Variants in HUWE1 observed in about 807,000 individuals in gnomAD.
HUWE1 encodes HECT, UBA and WWE domain containing E3 ubiquitin protein ligase 1.
HUWE1 carries 18 observed loss-of-function variants against 299.4 expected under a neutral mutation model. The ratio of observed to expected loss-of-function variants is 0.06; its 90% CI spans 0.04 to 0.09. HUWE1 has a LOEUF of 0.09. Ranked by LOEUF, HUWE1 falls within the 10% of genes least tolerant of loss-of-function variation. The pLI is 1.00. For missense variants in HUWE1, 1,832 were observed against 3,462.3 expected (o/e 0.53, Z 11.82); for synonymous variants, 1,317 against 1,286.1 (o/e 1.02, Z -0.51).
intron 4 of HUWE1, among the ~76,000 whole-genome samples, chrX:53,652,499 G>A (rs1424111926): frequency 9.0e-6 from 1 of 111,223 alleles, no homozygotes; most frequent in Non-Finnish European, 1.9e-5. Flanking sequence ...TTCTATTCTC[G>A]TAGCAGTAGA....
rs956701287 is a variant in HUWE1 at position 53,656,243 on chromosome X, G to A, written c.-24-2112C>T. On this transcript the variant is annotated intron_variant, in intron 3 of 83. Coordinates refer to ENST00000262854, the MANE Select transcript of HUWE1 (RefSeq NM_031407.7). ...ACAAAAAAAGTAGCCGGGCGTGGAAGGACAAGCCTGTAATCCCAGCTACTT... is the reference window on the plus strand; with the variant it reads ...ACAAAAAAAGTAGCCGGGCGTGGAAAGACAAGCCTGTAATCCCAGCTACTT... 3.6e-5 allele frequency among the ~76,000 whole-genome samples: 4 copies of A among 110,397 alleles called. 1 individual carries two copies. In the South Asian group the frequency reaches 1.6e-3, roughly 43 times the overall value.
intron 28 of HUWE1, among the ~76,000 whole-genome samples, chrX:53,600,958 T>G (rs2064797708): frequency 8.9e-6 from 1 of 112,036 alleles, no homozygotes; most frequent in South Asian, 3.7e-4. Context: ...TTCTCAGTTC[T>G]TAGTCAATTT....
At chrX:53,643,603 C>T (rs1033657436) in intron 7 of HUWE1, among the ~76,000 whole-genome samples, 1 of 111,520 alleles carries the variant, frequency 9.0e-6, no homozygotes. Flanking sequence ...CTGCCTGCCT[C>T]GGCCCCCCAA....
chrX:53,639,556 C>T (rs1356317928), intron 7 of HUWE1, among the ~76,000 whole-genome samples: 1 of 111,347 alleles, frequency 9.0e-6, no homozygotes, highest in Non-Finnish European at 1.9e-5. Flanking sequence ...GTAAGGTATC[C>T]TGCATTTGTA....
At chrX:53,556,125 C>G (rs1273505482) in intron 60 of HUWE1, 1 of 331,443 alleles carries the variant, frequency 3.0e-6, no homozygotes, top group Non-Finnish European at 6.1e-6. Context: ...ACCCTAAACA[C>G]CATCTGTCCC....
intron 19 of HUWE1, among the ~76,000 whole-genome samples, chrX:53,623,082 A>G (rs1206476350): frequency 9.0e-6 from 1 of 111,364 alleles, no homozygotes; most frequent in Non-Finnish European, 1.9e-5. Flanking sequence ...TTAGTGCTCT[A>G]AGTCTCATTT....
At chrX:53,533,933 G>A in intron 83 of HUWE1, 74 bp downstream of exon 83, 1 of 993,218 alleles carries the variant, frequency 1.0e-6, no homozygotes, top group Non-Finnish European at 1.4e-6. Flanking sequence ...CCAATCTTGG[G>A]TAGGGTCCTG....
At chrX:53,608,785 A>C in intron 24 of HUWE1, 67 bp downstream of exon 24, 1 of 678,969 alleles carries the variant, frequency 1.5e-6, no homozygotes, top group East Asian at 3.2e-5. Flanking sequence ...GGACTCTGAT[A>C]ACGAAACACA....
chrX:53,663,895 C>G lies in HUWE1; in HGVS notation c.-24-9764G>C, dbSNP rs782108997. 3.2e-3 allele frequency among the ~76,000 whole-genome samples: 347 copies of G among 108,171 alleles called. 1 individual carries two copies. Among genetic ancestry groups the G allele is most frequent in the African/African-American group, 0.011 (326 of 29,693 alleles). The allele number at this position is 108,171 out of a possible 115,157, so 93.9% of individuals were successfully genotyped here. On this transcript the variant is annotated intron_variant, in intron 3 of 83. Coordinates refer to ENST00000262854, the MANE Select transcript of HUWE1 (RefSeq NM_031407.7). ...TGGGAAAGTTAAAAAAAAAAAAAAA[C>G]CTGGGAAGGGAAGAAATACACATTA...
At chrX:53,618,569 T>C (rs1002688059) in intron 19 of HUWE1, among the ~76,000 whole-genome samples, 10 of 107,264 alleles carry the variant, frequency 9.3e-5, no homozygotes, top group South Asian at 4.1e-4. Context: ...AATTTTCTTT[T>C]TTTTTTTTTT....
At chrX:53,632,023 T>C (rs1192930984) in intron 9 of HUWE1, 10 of 340,494 alleles carry the variant, frequency 2.9e-5, no homozygotes, top group Non-Finnish European at 5.5e-5. Flanking sequence ...TTGAATAGTA[T>C]AGGTAGAAGA....
In HUWE1 at chrX:53,600,282, C is replaced by T. The variant is rs2064750292; in HGVS notation, c.2999G>A (p.Ser1000Asn). 2 of 1,208,034 alleles carry T rather than the reference C, an allele frequency of 1.7e-6. No individual in the cohort carries two copies. The highest frequency in any genetic ancestry group is 2.2e-6 in the Non-Finnish European group (2 of 892,749). ...SDGEQDGAAGSMDASTQGLLE... is the reference protein window; with the variant it reads ...SDGEQDGAAGNMDASTQGLLE... ...TAAGCCCTGGGTAGAAGCATCCATA[C>T]TTCCAGCTGCTCCATCCTGTTCCCC... The change falls in exon 29 of 84, where the codon AGT (serine) becomes AAT (asparagine). Residue 1000 changes from serine to asparagine, a missense_variant. Ser to Asn is a conservative substitution (Grantham distance 46). Around this residue, in one of 15 missense-constraint regions of HUWE1, gnomAD observed 658 missense variants for 1,282.6 expected, o/e 0.51. Coordinates refer to ENST00000262854, the MANE Select transcript of HUWE1 (RefSeq NM_031407.7).
chrX:53,539,809 G>A lies in HUWE1; in HGVS notation c.11480C>T (p.Ser3827Phe). Residue 3827 changes from serine (S) to phenylalanine (F), a missense_variant, in exon 75 of 84, where the codon TCC becomes TTC. By Grantham distance (155) the Ser-to-Phe change is radical. Transcript: ENST00000262854. ...CTTCTCCCCCTGTGGGGTTCCATCGGAGGCTGGAGGGCACACAGAAGAGAG... is the reference window on the plus strand; with the variant it reads ...CTTCTCCCCCTGTGGGGTTCCATCGAAGGCTGGAGGGCACACAGAAGAGAG... Reference protein sequence around the residue: ...PSAQDTQSIASDGTPQGEKEK... With the variant: ...PSAQDTQSIAFDGTPQGEKEK... 1 of 1,207,647 alleles carries A rather than the reference G, an allele frequency of 8.3e-7. No homozygotes were observed. Among genetic ancestry groups the A allele is most frequent in the Non-Finnish European group, 1.1e-6 (1 of 893,150 alleles).
chrX:53,621,041 G>A (rs2148906763), intron 19 of HUWE1, among the ~76,000 whole-genome samples: 1 of 111,944 alleles, frequency 8.9e-6, no homozygotes, highest in African/African-American at 3.2e-5. Context: ...TTCCAAAGAG[G>A]AAAGAAAAAT....
intron 32 of HUWE1, among the ~76,000 whole-genome samples, 157 bp from the exon 33 acceptor site, chrX:53,592,785 G>A (rs2064233201): frequency 1.8e-5 from 2 of 111,895 alleles, no homozygotes; most frequent in Admixed American, 9.4e-5. Flanking sequence ...CAGAGAAGAG[G>A]CATTTTACTC....
At chrX:53,685,803 T>C (rs1459152000) in intron 2 of HUWE1, among the ~76,000 whole-genome samples, 1 of 112,016 alleles carries the variant, frequency 8.9e-6, no homozygotes, top group Non-Finnish European at 1.9e-5. Context: ...ACCCAGCGGT[T>C]ACTCTTCTAA....
chrX:53,534,831 G>A, intron 81 of HUWE1, 134 bp from the exon 82 acceptor site: 1 of 538,420 alleles, frequency 1.9e-6, no homozygotes, highest in Non-Finnish European at 3.0e-6. Context: ...GGTTAATTCT[G>A]CCCAGGCTAG....
At chrX:53,640,314 C>G (rs2067499894) in intron 7 of HUWE1, among the ~76,000 whole-genome samples, 1 of 111,646 alleles carries the variant, frequency 9.0e-6, no homozygotes, top group Non-Finnish European at 1.9e-5. Flanking sequence ...GAGCTGATAT[C>G]GTGCAACTGC....
chrX:53,670,695 G>A (rs889241717), intron 3 of HUWE1, among the ~76,000 whole-genome samples: 9 of 111,913 alleles, frequency 8.0e-5, no homozygotes, highest in Middle Eastern at 4.6e-3. Flanking sequence ...GTCTCACCAA[G>A]ATATTTAAAG....
Sources: gnomAD v4.1 joint callset for allele counts (sites outside exome capture counted in the v4.1 genomes callset) on GRCh38, gnomAD v4.1.1 for gene constraint, gnomAD v4.1.1 regional missense constraint, MANE v1.5 for transcripts, NCBI Gene and HGNC (gene_info 2026-07-23, HGNC 2026-07-21) for gene names.